Variants in TTC21A observed in about 807,000 individuals in gnomAD.
The protein encoded by TTC21A is tetratricopeptide repeat domain 21A.
In TTC21A, 128 loss-of-function variants were observed where a neutral mutation model predicts 156.4. The ratio of observed to expected loss-of-function variants is 0.82; its 90% confidence interval spans 0.71 to 0.95. The LOEUF is 0.95. TTC21A is among the 40% of genes least tolerant of loss of function. TTC21A has a pLI of 0.00. For missense variants in TTC21A, 1,435 were observed against 1,602.3 expected (o/e 0.90, Z 1.78); for synonymous variants, 587 against 617.1 (o/e 0.95, Z 0.72).
At position 39,125,696 on chromosome 3, in the gene TTC21A, C is replaced by T. The variant is rs147284522; in HGVS notation, c.1392+164C>T. ...GTGCTCTTCAAACTTGAACATACAGCACACAGGTCACCTGGGAGGTTGTTC... is the reference window on the plus strand; with the variant it reads ...GTGCTCTTCAAACTTGAACATACAGTACACAGGTCACCTGGGAGGTTGTTC... On this transcript the variant is annotated intron_variant, in intron 11 of 28. Transcript: ENST00000683103. Among the ~76,000 whole-genome samples the T allele has an allele frequency of 4.5e-3, 687 of 152,328 alleles. 3 individuals are homozygous for T. The highest frequency in any genetic ancestry group is 7.5e-3 in the Non-Finnish European group (509 of 68,024).
At chr3:39,120,934 T>A in intron 8 of TTC21A, 63 bp from the exon 9 acceptor site, 15 of 1,438,620 alleles carry the variant, frequency 1.0e-5, no homozygotes, top group Non-Finnish European at 1.4e-5. Context: ...GTTTCTGACA[T>A]GACCTTGCTC....
intron 3 of TTC21A, among the ~76,000 whole-genome samples, chr3:39,110,543 T>C (rs554862366): frequency 2.0e-5 from 3 of 151,944 alleles, no homozygotes; most frequent in East Asian, 3.9e-4. Flanking sequence ...TCACAATAAG[T>C]TGTGGGCCTG....
In TTC21A at chr3:39,110,964, A is replaced by T; in HGVS notation, c.382A>T (p.Lys128Ter). 1 of 1,613,954 alleles carries T rather than the reference A, an allele frequency of 6.2e-7. No individual in the cohort carries two copies. The highest frequency in any genetic ancestry group is 8.5e-7 in the Non-Finnish European group (1 of 1,179,942). ...CCTCTGGCTCATAGGCCGCCATGACAAGGCCAAAGAGTACATTGACCGCAT... is the reference window on the plus strand; with the variant it reads ...CCTCTGGCTCATAGGCCGCCATGACTAGGCCAAAGAGTACATTGACCGCAT... ...LFLWLIGRHD[K>*]AKEYIDRMLK... The change falls in exon 4 of 29, where the codon AAG becomes TAG. Residue 128 changes from lysine to a stop codon, truncating the protein, a stop_gained. Transcript: ENST00000683103. LOFTEE classifies it high-confidence loss of function.
rs2039163183 is a variant in TTC21A, at chr3:39,137,018, T to C, written c.3215T>C (p.Val1072Ala). Reference protein sequence around the residue: ...VQICLNPDNEVVGGEAFENQG... With the variant: ...VQICLNPDNEAVGGEAFENQG... Reference sequence around the variant, plus strand: ...ATCTGTCTGAATCCAGACAACGAGGTTGTGGGCGGAGAGGCTTTTGAGAAC... The same window carrying C: ...ATCTGTCTGAATCCAGACAACGAGGCTGTGGGCGGAGAGGCTTTTGAGAAC... The change falls in exon 24 of 29, where the codon GTT (valine) becomes GCT (alanine). Residue 1072 changes from valine to alanine, a missense_variant. Physicochemically the swap from Val to Ala is moderately conservative, Grantham distance 64. Transcript: ENST00000683103. 3 of 1,612,742 alleles carry C rather than the reference T, an allele frequency of 1.9e-6. No individual in the cohort carries two copies. Among genetic ancestry groups the C allele is most frequent in the Non-Finnish European group, 2.5e-6 (3 of 1,179,652 alleles).
intron 9 of TTC21A, among the ~76,000 whole-genome samples, chr3:39,122,562 T>G (rs1472813321): frequency 6.6e-6 from 1 of 151,614 alleles, no homozygotes; most frequent in Non-Finnish European, 1.5e-5. Flanking sequence ...AGAGGCTGAG[T>G]GTGAAAGCAT....
intron 4 of TTC21A, 112 bp from the exon 5 acceptor site, chr3:39,112,346 C>A: frequency 9.1e-7 from 1 of 1,100,262 alleles, no homozygotes; most frequent in Non-Finnish European, 1.4e-6. Context: ...CTGCACGGGA[C>A]TGTGCCTGGC....
In TTC21A at chr3:39,130,821, G is replaced by T. The variant is rs1050843194; in HGVS notation, c.2440G>T (p.Ala814Ser). The T allele has an allele frequency of 3.1e-6, 5 of 1,614,068 alleles. No homozygotes were observed. The highest frequency in any genetic ancestry group is 2.7e-5 in the African/African-American group (2 of 74,912). ...VNKAEKVLKQ[A>S]LEHDIVQDIP... Reference sequence around the variant, plus strand: ...TAAAGCAGAAAAAGTTTTGAAGCAGGCACTGGAACATGACATTGGTGAGGC... The same window carrying T: ...TAAAGCAGAAAAAGTTTTGAAGCAGTCACTGGAACATGACATTGGTGAGGC... The change falls in exon 18 of 29, where the codon GCA becomes TCA. Residue 814 changes from alanine to serine, a missense_variant. Coordinates refer to ENST00000683103, the MANE Select transcript of TTC21A (RefSeq NM_001366900.1). The surrounding 1 kb of genome is among the most constrained non-coding windows in gnomAD (Gnocchi z 4.5).
intron 11 of TTC21A, among the ~76,000 whole-genome samples, chr3:39,125,963 A>G (rs547179804): frequency 8.5e-5 from 13 of 152,302 alleles, no homozygotes; most frequent in African/African-American, 3.1e-4. Flanking sequence ...GTGACCAAGG[A>G]TCATATTTTT....
intron 11 of TTC21A, 103 bp downstream of exon 11, chr3:39,125,635 A>G: frequency 1.1e-6 from 1 of 872,662 alleles, no homozygotes; most frequent in Non-Finnish European, 1.9e-6. Context: ...AGTCACAAGT[A>G]AGGATGGGGT....
chr3:39,138,732 T>C lies in TTC21A; in HGVS notation c.3886T>C (p.Tyr1296His), dbSNP rs986971542. 1.9e-6 allele frequency: 3 copies of C among 1,613,982 alleles called. No homozygotes were observed. Among genetic ancestry groups the C allele is most frequent in the Non-Finnish European group, 2.5e-6 (3 of 1,180,004 alleles). Residue 1296 changes from tyrosine to histidine, a missense_variant, in exon 29 of 29, where the codon TAC becomes CAC. Coordinates refer to ENST00000683103, the MANE Select transcript of TTC21A (RefSeq NM_001366900.1). ...CCAGGTCCTCAGGGAGCACCCCGAC[T>C]ACCCCAAGATCAGGGAGGAAATTTT... ...CNDVLREHPDYPKIREEILEK... is the reference protein window; with the variant it reads ...CNDVLREHPDHPKIREEILEK...
rs1325267055 is a variant in TTC21A at position 39,137,648 on chromosome 3, T to G, written c.3613T>G (p.Cys1205Gly). ...CTGGCTCCTGCTGGCTGACATTTAC[T>G]GCCAGGGCAGCAAGTTCGACCTCGC... is the stretch of plus-strand genomic sequence containing the variant. ...KSWLLLADIYCQGSKFDLALE... is the reference protein window; with the variant it reads ...KSWLLLADIYGQGSKFDLALE... Residue 1205 changes from cysteine (C) to glycine (G), a missense_variant, in exon 26 of 29, where the codon TGC becomes GGC. By Grantham distance (159) the Cys-to-Gly change is radical. Coordinates refer to ENST00000683103, the MANE Select transcript of TTC21A (RefSeq NM_001366900.1). 2.5e-6 allele frequency: 4 copies of G among 1,614,188 alleles called. No individual in the cohort carries two copies. In the South Asian group the frequency reaches 4.4e-5, roughly 18 times the overall value.
chr3:39,127,136 G>A (rs1414416214), intron 12 of TTC21A, among the ~76,000 whole-genome samples: 3 of 152,070 alleles, frequency 2.0e-5, no homozygotes, highest in Admixed American at 2.0e-4. Context: ...GGAAGGAGAG[G>A]GAAACTCTTC....
chr3:39,129,007 C>T, intron 14 of TTC21A, 65 bp from the exon 15 acceptor site: 1 of 1,606,258 alleles, frequency 6.2e-7, no homozygotes, highest in Non-Finnish European at 8.5e-7. Context: ...GAACCAGGTT[C>T]TTTGATTCCA....
In TTC21A at chr3:39,134,825, T is replaced by C. The variant is rs1369447301; in HGVS notation, c.2863-268T>C. 1 of 566,686 alleles carries C rather than the reference T, an allele frequency of 1.8e-6. No homozygotes were observed. The highest frequency in any genetic ancestry group is 1.9e-5 in the African/African-American group (1 of 53,242). 35.1% of individuals were successfully genotyped at this position (566,686 alleles called of 1,614,324 possible). On this transcript the variant is annotated intron_variant, in intron 21 of 28. Coordinates refer to ENST00000683103, the MANE Select transcript of TTC21A (RefSeq NM_001366900.1). The surrounding 1 kb of genome is among the most constrained non-coding windows in gnomAD (Gnocchi z 4.6). ...AGGCTGTCAAAAAGCCCCACTGGTC[T>C]CTACCACTAGTCTTACCTTCCCATG...
At position 39,107,703 on chromosome 3, in the gene TTC21A, C is replaced by G; in HGVS notation, c.-135C>G. 1 of 1,376,592 alleles carries G rather than the reference C, an allele frequency of 7.3e-7. No homozygotes were observed. The highest frequency in any genetic ancestry group is 1.0e-6 in the Non-Finnish European group (1 of 983,836). The allele number at this position is 1,376,592 out of a possible 1,614,324, so 85.3% of individuals were successfully genotyped here. On this transcript the variant is annotated 5_prime_UTR_variant, in exon 1 of 29. Transcript: ENST00000683103. ...CCAGACACTGGACGCTCCTAGCAAC[C>G]GGCTAGCAGCTCGGTTTCCAAGGAC...
At chr3:39,133,305 T>A in intron 20 of TTC21A, 65 bp downstream of exon 20, 1 of 1,521,436 alleles carries the variant, frequency 6.6e-7, no homozygotes, top group Non-Finnish European at 9.0e-7. Flanking sequence ...CTGAGCTCAC[T>A]GACCAGGTAC....
rs878998139 is a variant in TTC21A, at chr3:39,129,410, T to C, written c.2135+100T>C. The C allele has an allele frequency of 4.4e-5, 40 of 907,348 alleles. 1 individual carries two copies. Among genetic ancestry groups the C allele is most frequent in the South Asian group, 4.3e-4 (29 of 68,166 alleles). The allele number at this position is 907,348 out of a possible 1,614,324, so 56.2% of individuals were successfully genotyped here. A position where few individuals can be genotyped will look rare whatever the true frequency, so the allele number is the denominator to read the frequency against. ...TTCTTCAACCTGGGTCTCCAGAATG[T>C]GTCCTTGGAGTGTAGTTGATGAATG... is the stretch of plus-strand genomic sequence containing the variant. On this transcript the variant is annotated intron_variant, in intron 15 of 28. Transcript: ENST00000683103.
chr3:39,115,055 C>A (rs889008150), intron 6 of TTC21A, among the ~76,000 whole-genome samples: 2 of 152,162 alleles, frequency 1.3e-5, no homozygotes, highest in African/African-American at 4.8e-5. Context: ...GGGTAGAAAG[C>A]AGTTGCTATG....
rs1249513066 is a variant in TTC21A at position 39,135,005 on chromosome 3, A to AC, written c.2863-86dup. On this transcript the variant is annotated intron_variant, in intron 21 of 28. Transcript: ENST00000683103. ...TCCTTTTCTACCTTCCCTTCTTACC[A>AC]CCATCACCCCCATACCCCCCGCCTC... 4 of 1,140,186 alleles carry AC rather than the reference A, an allele frequency of 3.5e-6. No homozygotes were observed. The African/African-American group carries it at 6.1e-5, about 17-fold the overall frequency. 70.6% of individuals were successfully genotyped at this position (1,140,186 alleles called of 1,614,324 possible). A position where few individuals can be genotyped will look rare whatever the true frequency, so the allele number is the denominator to read the frequency against.
Sources: allele counts gnomAD v4.1 joint callset (sites outside exome capture counted in the v4.1 genomes callset), GRCh38; gene constraint gnomAD v4.1.1; non-coding constraint Gnocchi (gnomAD v3.1); transcripts MANE v1.5; gene names NCBI Gene and HGNC (gene_info 2026-07-23, HGNC 2026-07-21).